Variants in ST7 observed in about 807,000 individuals in gnomAD.
The protein encoded by ST7 is suppression of tumorigenicity 7, also known as suppressor of tumorigenicity 7 protein.
Under a neutral mutation model 78.7 loss-of-function variants are expected in ST7, and 28 were observed. The ratio of observed to expected loss-of-function variants is 0.36; its 90% CI spans 0.26 to 0.49. The LOEUF (loss-of-function observed/expected upper bound fraction) is 0.49, where lower values mean the gene tolerates loss of function less well. ST7 is among the 20% of genes least tolerant of loss of function. The probability of loss-of-function intolerance (pLI) is 0.99; values close to 1 mark genes in which losing one functional copy is unlikely to be tolerated. For synonymous variants in ST7, 247 were observed against 249.6 expected (o/e 0.99, Z 0.10); for missense variants, 418 against 696.0 (o/e 0.60, Z 4.49).
At position 117,052,975 on chromosome 7, in the gene ST7, A is replaced by G. The variant is rs377483118; in HGVS notation, c.152-46787A>G. Among the ~76,000 whole-genome samples the G allele has an allele frequency of 1.6e-4, 25 of 152,238 alleles. No homozygotes were observed. The South Asian group carries it at 5.0e-3, about 30-fold the overall frequency. The stretch of plus-strand genomic sequence containing the variant: ...ACTTTATGTGCAATTTTATATCCTC[A>G]TTTTTCTACTTAACATTCTGACTCT... On this transcript the variant is annotated intron_variant, in intron 1 of 15. Transcript: ENST00000323984.
At chr7:117,000,189 A>G (rs1794857817) in intron 1 of ST7, among the ~76,000 whole-genome samples, 1 of 152,164 alleles carries the variant, frequency 6.6e-6, no homozygotes, top group South Asian at 2.1e-4. Flanking sequence ...TCTGTTACTG[A>G]CACTGAAGAA....
chr7:116,959,053 C>T (rs1792684009), intron 1 of ST7: 4 of 399,158 alleles, frequency 1.0e-5, no homozygotes, highest in South Asian at 7.7e-5. Context: ...AGCATTTTAC[C>T]CACAGTAGGA....
chr7:116,971,448 G>A (rs1008971703), intron 1 of ST7, among the ~76,000 whole-genome samples: 2 of 152,086 alleles, frequency 1.3e-5, no homozygotes, highest in Non-Finnish European at 2.9e-5. Flanking sequence ...AAGCAGTTGG[G>A]AGGGGGTAGA....
At chr7:117,015,394 A>T (rs1795558169) in intron 1 of ST7, among the ~76,000 whole-genome samples, 1 of 152,168 alleles carries the variant, frequency 6.6e-6, no homozygotes. Flanking sequence ...AGTTTCTGTT[A>T]TTGTGGTGGT....
Position 117,189,307 on chromosome 7 carries a change from T to A in ST7, c.1079-14T>A. The A allele has an allele frequency of 6.3e-7, 1 of 1,593,080 alleles. No homozygotes were observed. The highest frequency in any genetic ancestry group is 2.3e-5 in the East Asian group (1 of 44,332). On this transcript the variant is annotated splice_polypyrimidine_tract_variant and intron_variant, in intron 10 of 15. Transcript: ENST00000323984. ...TGCAAACTTATGTGTTCCTACTTTCTTTTTCTCCAACAGATATAAGCTTAC... is the reference window on the plus strand; with the variant it reads ...TGCAAACTTATGTGTTCCTACTTTCATTTTCTCCAACAGATATAAGCTTAC...
intron 9 of ST7, among the ~76,000 whole-genome samples, chr7:117,168,055 G>C (rs1376577562): frequency 6.6e-6 from 1 of 152,070 alleles, no homozygotes; most frequent in East Asian, 1.9e-4. Flanking sequence ...TTTTTGTTCT[G>C]GTTTATATTA....
intron 1 of ST7, among the ~76,000 whole-genome samples, chr7:117,085,928 AAATT>A (rs1406326484): frequency 2.0e-5 from 3 of 152,280 alleles, no homozygotes; most frequent in East Asian, 1.9e-4. Context: ...TAAATTTAAA[AAATT>A]AATTAAAGCA....
Position 117,010,751 on chromosome 7 carries a change from C to T in ST7, c.151+57060C>T, listed in dbSNP as rs1329003447. The stretch of plus-strand genomic sequence containing the variant: ...TTTAAAACATGTGTAATAACAAAGT[C>T]GGTTATTGTATAATTTGGAAATGCG... On this transcript the variant is annotated intron_variant, in intron 1 of 15. Transcript: ENST00000323984. Among the ~76,000 whole-genome samples the T allele has an allele frequency of 2.6e-5, 4 of 152,134 alleles. No individual in the cohort carries two copies. The East Asian group carries it at 5.8e-4, about 22-fold the overall frequency.
At chr7:117,044,687 C>G (rs1386497006) in intron 1 of ST7, among the ~76,000 whole-genome samples, 1 of 152,102 alleles carries the variant, frequency 6.6e-6, no homozygotes, top group African/African-American at 2.4e-5. Flanking sequence ...TGTGTAAGGT[C>G]ACACAACTGT....
intron 15 of ST7, chr7:117,223,236 G>A (rs1261824314): frequency 2.1e-6 from 1 of 480,816 alleles, no homozygotes; most frequent in Non-Finnish European, 3.8e-6. Flanking sequence ...CTAGGTCCTT[G>A]TTGTTTCTTG....
At chr7:117,056,097 C>A (rs908711137) in intron 1 of ST7, among the ~76,000 whole-genome samples, 1 of 152,104 alleles carries the variant, frequency 6.6e-6, no homozygotes, top group African/African-American at 2.4e-5. Context: ...ATTGTACCCA[C>A]CAGATTAAGG....
At chr7:116,957,316 A>G (rs1460954488) in intron 1 of ST7, among the ~76,000 whole-genome samples, 2 of 152,158 alleles carry the variant, frequency 1.3e-5, no homozygotes, top group Non-Finnish European at 2.9e-5. Flanking sequence ...AAGGGGAGAA[A>G]ACGAACATAA....
chr7:116,966,403 A>G (rs879440482), intron 1 of ST7, among the ~76,000 whole-genome samples: 82 of 151,932 alleles, frequency 5.4e-4, no homozygotes, highest in African/African-American at 1.8e-3. Context: ...GGCACCTGCC[A>G]CCACACCTGG....
At chr7:117,170,212 A>T (rs1563139007) in intron 9 of ST7, among the ~76,000 whole-genome samples, 1 of 152,080 alleles carries the variant, frequency 6.6e-6, no homozygotes, top group Non-Finnish European at 1.5e-5. Flanking sequence ...TCTCCATGGC[A>T]TTTTATCTTT....
chr7:117,103,155 G>A (rs1486656699), intron 2 of ST7, among the ~76,000 whole-genome samples: 2 of 152,004 alleles, frequency 1.3e-5, no homozygotes, highest in East Asian at 3.8e-4. Flanking sequence ...ACAATACTCT[G>A]TGAATAAATT....
At chr7:117,125,256 G>A (rs1407276283) in intron 3 of ST7, among the ~76,000 whole-genome samples, 2 of 152,044 alleles carry the variant, frequency 1.3e-5, no homozygotes, top group African/African-American at 2.4e-5. Context: ...CACATTATTT[G>A]GTAGGGTTGG....
intron 12 of ST7, among the ~76,000 whole-genome samples, chr7:117,206,836 A>G (rs1791802480): frequency 6.6e-6 from 1 of 152,176 alleles, no homozygotes; most frequent in African/African-American, 2.4e-5. Context: ...ATGAAAAACC[A>G]TTGTCCACAA....
At chr7:116,984,113 C>CTG (rs56178812) in intron 1 of ST7, among the ~76,000 whole-genome samples, 112,484 of 144,650 alleles carry the variant, frequency 0.78, 44,079 homozygotes, top group East Asian at 0.89. Flanking sequence ...TTTATGTCAG[C>CTG]TGTGTGTGTG....
At chr7:117,103,977 G>A (rs530348753) in intron 2 of ST7, among the ~76,000 whole-genome samples, 7 of 152,252 alleles carry the variant, frequency 4.6e-5, no homozygotes, top group African/African-American at 1.4e-4. Context: ...TGGACAACAG[G>A]TATATGAAAA....
Sources: gnomAD v4.1 joint callset for allele counts (sites outside exome capture counted in the v4.1 genomes callset) on GRCh38, gnomAD v4.1.1 for gene constraint, MANE v1.5 for transcripts, NCBI Gene and HGNC (gene_info 2026-07-23, HGNC 2026-07-21) for gene names.